The following FCHO1 variants were observed in gnomAD, a reference collection of about 807,000 sequenced individuals.
FCHO1 encodes FCH and mu domain containing endocytic adaptor 1.
A neutral mutation model predicts 114.4 loss-of-function variants in FCHO1; 45 were observed. The observed-to-expected ratio is 0.39, with a 90% CI of 0.31 to 0.50. The LOEUF is 0.50. Ranked by LOEUF, FCHO1 falls within the 20% of genes least tolerant of loss-of-function variation. FCHO1 has a pLI of 0.77. For missense variants in FCHO1, 1,042 were observed against 1,209.6 expected (o/e 0.86, Z 2.06); for synonymous variants, 480 against 488.9 (o/e 0.98, Z 0.24).
upstream of FCHO1, among the ~76,000 whole-genome samples, chr19:17,748,621 G>A (rs1370953705): frequency 2.6e-5 from 4 of 151,656 alleles, no homozygotes; most frequent in African/African-American, 9.7e-5. Flanking sequence ...CTGTGAGTGG[G>A]GTGCGGAGGA....
intron 27 of FCHO1, among the ~76,000 whole-genome samples, chr19:17,786,886 C>G (rs2093946564): frequency 6.6e-6 from 1 of 151,764 alleles, no homozygotes; most frequent in Non-Finnish European, 1.5e-5. Context: ...CCACTGCACT[C>G]TAGCCTGGGC....
At position 17,784,805 on chromosome 19, in the gene FCHO1, A is replaced by C. The variant is rs779284527; in HGVS notation, c.2307A>C (p.Ser769=). The stretch of plus-strand genomic sequence containing the variant: ...GTGGAGCCACCCTCACCCAGGTCTC[A>C]GTGGAGTACGGCTACCGGCCCGGTG... The part of the protein sequence containing the change: ...WQCGATLTQV[S]VEYGYRPGAT... Residue 769 remains serine (S), a synonymous_variant, in exon 26 of 29, where the codon TCA becomes TCC. Transcript: ENST00000596536. This position sits in a 1 kb window ranked among gnomAD's most constrained non-coding sequence, Gnocchi z 5.3. The C allele has an allele frequency of 1.9e-6, 3 of 1,613,948 alleles. No homozygotes were observed. In the African/African-American group the frequency reaches 4.0e-5, roughly 22 times the overall value.
At chr19:17,755,293 T>TA in intron 4 of FCHO1, 102 bp downstream of exon 4, 1 of 1,063,676 alleles carries the variant, frequency 9.4e-7, no homozygotes. Context: ...CTTGGACAGG[T>TA]AGAGGATCTG....
chr19:17,786,306 C>G (rs2093884330), intron 26 of FCHO1, among the ~76,000 whole-genome samples: 1 of 151,934 alleles, frequency 6.6e-6, no homozygotes, highest in African/African-American at 2.4e-5. Flanking sequence ...GCACACCAGC[C>G]GGGGCGACAG....
intron 5 of FCHO1, among the ~76,000 whole-genome samples, chr19:17,763,566 T>C (rs1473497480): frequency 7.0e-6 from 1 of 142,848 alleles, no homozygotes; most frequent in Non-Finnish European, 1.5e-5. Flanking sequence ...ACTCTGCCTT[T>C]TTTTTTTTTT....
At chr19:17,782,769 G>A (rs2093542823) in intron 23 of FCHO1, among the ~76,000 whole-genome samples, 1 of 152,162 alleles carries the variant, frequency 6.6e-6, no homozygotes, top group South Asian at 2.1e-4. Flanking sequence ...TGAGCTTCCT[G>A]GTGGCCTAGG....
rs775261809 is a variant in FCHO1, at chr19:17,776,615, A to AGGAGGTGCATCTCTTGTAGGG, written c.1208-18_1210dup. 3.7e-6 allele frequency: 6 copies of AGGAGGTGCATCTCTTGTAGGG among 1,613,586 alleles called. No individual in the cohort carries two copies. The highest frequency in any genetic ancestry group is 3.3e-4 in the Middle Eastern group (2 of 6,084). On this transcript the variant is annotated intron_variant, in intron 17 of 28. Transcript: ENST00000596536. The surrounding 1 kb of genome is among the most constrained non-coding windows in gnomAD (Gnocchi z 4.4). ...GCAGGCAGGGTGACAAGAAGGCTGA[A>AGGAGGTGCATCTCTTGTAGGG]GGAGGTGCATCTCTTGTAGGGGACG...
chr19:17,779,543 G>A (rs564258279), intron 20 of FCHO1, among the ~76,000 whole-genome samples: 2 of 151,048 alleles, frequency 1.3e-5, no homozygotes, highest in East Asian at 3.9e-4. Flanking sequence ...GGATGGGGAA[G>A]GAGCGGAGTC....
intron 6 of FCHO1, among the ~76,000 whole-genome samples, chr19:17,764,957 A>G (rs948090792): frequency 2.0e-5 from 3 of 151,800 alleles, no homozygotes; most frequent in African/African-American, 7.2e-5. Context: ...CCAGCTACTC[A>G]GGAGGCTGAG....
intron 23 of FCHO1, 62 bp from the exon 24 acceptor site, chr19:17,782,955 G>A (rs1037523386): frequency 1.3e-6 from 2 of 1,577,128 alleles, no homozygotes; most frequent in African/African-American, 2.7e-5. Flanking sequence ...ACCAAGAGAA[G>A]GGGAAGGATG....
At chr19:17,766,877 G>C (rs1315148014) in intron 7 of FCHO1, 67 bp downstream of exon 7, 1 of 1,535,916 alleles carries the variant, frequency 6.5e-7, no homozygotes, top group African/African-American at 1.4e-5. Context: ...CAGGACCCCA[G>C]ATCTTCTGGG....
intron 6 of FCHO1, 164 bp from the exon 7 acceptor site, chr19:17,766,505 C>A: frequency 1.2e-6 from 1 of 858,500 alleles, no homozygotes; most frequent in Non-Finnish European, 1.7e-6. Context: ...GTTTCCCCAT[C>A]TGTCACAGGC....
At position 17,784,922 on chromosome 19, in the gene FCHO1, C is replaced by G; in HGVS notation, c.2424C>G (p.Thr808=). ...ACGTCCGCTTGCAGCCGGCTGCCAC[C>G]TGGTGAGGGCTTGCGGGAGGCCAAG... ...VTNVRLQPAA[T]WNLEEKRLTW... Residue 808 remains threonine, a splice_region_variant and synonymous_variant, in exon 26 of 29, where the codon ACC becomes ACG. Transcript: ENST00000596536. This position sits in a 1 kb window ranked among gnomAD's most constrained non-coding sequence, Gnocchi z 5.3. 1 of 1,610,472 alleles carries G rather than the reference C, an allele frequency of 6.2e-7. No individual in the cohort carries two copies. The highest frequency in any genetic ancestry group is 8.5e-7 in the Non-Finnish European group (1 of 1,179,978).
At position 17,776,590 on chromosome 19, in the gene FCHO1, G is replaced by A; in HGVS notation, c.1208-45G>A. ...CTTGGTCTGTGGAGTGGGGAGCATT[G>A]CAGGCAGGGTGACAAGAAGGCTGAA... On this transcript the variant is annotated intron_variant, in intron 17 of 28. Coordinates refer to ENST00000596536, the MANE Select transcript of FCHO1 (RefSeq NM_015122.3). This position sits in a 1 kb window ranked among gnomAD's most constrained non-coding sequence, Gnocchi z 4.4. 7 of 1,609,486 alleles carry A rather than the reference G, an allele frequency of 4.3e-6. No individual in the cohort carries two copies. Among genetic ancestry groups the A allele is most frequent in the Non-Finnish European group, 6.0e-6 (7 of 1,175,976 alleles).
At chr19:17,773,009 C>G (rs770836560) in intron 11 of FCHO1, among the ~76,000 whole-genome samples, 12 of 152,274 alleles carry the variant, frequency 7.9e-5, no homozygotes, top group Non-Finnish European at 1.3e-4. Context: ...ACAAGTCCAG[C>G]TCTCCAGCCT....
intron 4 of FCHO1, among the ~76,000 whole-genome samples, chr19:17,757,425 C>T (rs1440105375): frequency 3.3e-5 from 5 of 152,080 alleles, no homozygotes; most frequent in Admixed American, 6.6e-5. Flanking sequence ...CAGCCTCACC[C>T]GAGGATCTCC....
In FCHO1 at chr19:17,784,881, G is replaced by T. The variant is rs1212439905; in HGVS notation, c.2383G>T (p.Gly795Trp). The T allele has an allele frequency of 6.2e-7, 1 of 1,613,386 alleles. No homozygotes were observed. Among genetic ancestry groups the T allele is most frequent in the Non-Finnish European group, 8.5e-7 (1 of 1,180,026 alleles). The part of the protein sequence containing the change: ...LTNVQILLPV[G>W]EPVTNVRLQP... Reference sequence around the variant, plus strand: ...GAACGTCCAGATCCTGCTGCCTGTGGGGGAGCCTGTGACCAACGTCCGCTT... The same window carrying T: ...GAACGTCCAGATCCTGCTGCCTGTGTGGGAGCCTGTGACCAACGTCCGCTT... The change falls in exon 26 of 29, where the codon GGG (glycine) becomes TGG (tryptophan). Residue 795 changes from glycine (G) to tryptophan (W), a missense_variant. Transcript: ENST00000596536. This position sits in a 1 kb window ranked among gnomAD's most constrained non-coding sequence, Gnocchi z 5.3.
Position 17,775,155 on chromosome 19 carries a change from C to A in FCHO1, c.945+75C>A. The A allele has an allele frequency of 1.3e-6, 2 of 1,490,044 alleles. No homozygotes were observed. Among genetic ancestry groups the A allele is most frequent in the Non-Finnish European group, 1.8e-6 (2 of 1,085,930 alleles). 92.3% of individuals were successfully genotyped at this position (1,490,044 alleles called of 1,614,324 possible). On this transcript the variant is annotated intron_variant, in intron 14 of 28. Transcript: ENST00000596536. The surrounding 1 kb of genome is among the most constrained non-coding windows in gnomAD (Gnocchi z 5.1). ...ATCCCACTCTTGGCTCCTAGAGTCC[C>A]GATCCCTACTGGAAACTAAAGAGCC...
chr19:17,788,121 C>T, intron 28 of FCHO1, 163 bp from the exon 29 acceptor site: 4 of 672,208 alleles, frequency 6.0e-6, no homozygotes, highest in South Asian at 3.2e-5. Context: ...TGTTCTCCTG[C>T]CCCCAACAAG....
Sources: gnomAD v4.1 joint callset for allele counts (sites outside exome capture counted in the v4.1 genomes callset) on GRCh38, gnomAD v4.1.1 for gene constraint, Gnocchi (gnomAD v3.1) non-coding constraint, MANE v1.5 for transcripts, NCBI Gene and HGNC (gene_info 2026-07-23, HGNC 2026-07-21) for gene names.